Variants in ADRA1A observed in about 807,000 individuals in gnomAD.
ADRA1A encodes the protein adrenoceptor alpha 1A, also known as alpha-1A adrenergic receptor.
ADRA1A carries 31 observed loss-of-function variants against 29.6 expected under a neutral mutation model. That is an observed-to-expected ratio of 1.05 (90% CI 0.79 to 1.41). The LOEUF (loss-of-function observed/expected upper bound fraction) is 1.41. Among genes scored for constraint, ADRA1A ranks in the 40% most tolerant of loss-of-function variants. The probability of loss-of-function intolerance (pLI) is 0.00; values close to 1 mark genes in which losing one functional copy is unlikely to be tolerated. For missense variants in ADRA1A, 619 were observed against 601.1 expected, an observed-to-expected ratio of 1.03 and a Z score of -0.31; for synonymous variants, 311 against 254.3, an observed-to-expected ratio of 1.22 and a Z score of -2.12.
intron 2 of ADRA1A, among the ~76,000 whole-genome samples, chr8:26,801,109 G>A (rs1808545294): frequency 6.6e-6 from 1 of 152,052 alleles, no homozygotes; most frequent in Admixed American, 6.6e-5. Context: ...AAAAAATTGG[G>A]TATAGAAAGA....
intron 2 of ADRA1A, among the ~76,000 whole-genome samples, chr8:26,826,866 A>G (rs1810610138): frequency 6.6e-6 from 1 of 152,264 alleles, no homozygotes; most frequent in Non-Finnish European, 1.5e-5. Context: ...CCAACTGGAA[A>G]TAGATTCAAG....
intron 2 of ADRA1A, among the ~76,000 whole-genome samples, chr8:26,792,938 C>T (rs1807938680): frequency 1.3e-5 from 2 of 151,502 alleles, no homozygotes; most frequent in South Asian, 4.2e-4. Flanking sequence ...AAGCCTCTCA[C>T]ACTGAATTAA....
At chr8:26,862,086 C>G (rs1813515533) in intron 2 of ADRA1A, among the ~76,000 whole-genome samples, 1 of 152,152 alleles carries the variant, frequency 6.6e-6, no homozygotes, top group African/African-American at 2.4e-5. Context: ...CCTGAAAGAC[C>G]CCATATGACT....
rs529911589 is a variant in ADRA1A, at chr8:26,831,536, A to T, written c.883+32551T>A. On this transcript the variant is annotated intron_variant, in intron 2 of 2. Coordinates refer to ENST00000380573, the MANE Select transcript of ADRA1A (RefSeq NM_000680.4). The surrounding 1 kb of genome is among the most constrained non-coding windows in gnomAD (Gnocchi z 5.2). ...TTTGGAAAGGGTGTAGAGGTCACGG[A>T]AGTGTCAGGTCACACCCAATGTCCT... 6.6e-6 allele frequency among the ~76,000 whole-genome samples: 1 copy of T among 152,220 alleles called. No individual in the cohort carries two copies. The highest frequency in any genetic ancestry group is 1.9e-4 in the East Asian group (1 of 5,170).
intron 2 of ADRA1A, chr8:26,748,801 C>T: frequency 5.1e-6 from 2 of 395,960 alleles, no homozygotes; most frequent in Non-Finnish European, 9.7e-6. Context: ...ATTTTTCCCA[C>T]TGAATTTATT....
In ADRA1A at chr8:26,775,834, C is replaced by A. The variant is rs958756549; in HGVS notation, c.884-5168G>T. Among the ~76,000 whole-genome samples, 3 of 152,198 alleles carry A rather than the reference C, an allele frequency of 2.0e-5. No individual in the cohort carries two copies. The highest frequency in any genetic ancestry group is 4.4e-5 in the Non-Finnish European group (3 of 68,038). On this transcript the variant is annotated intron_variant, in intron 2 of 2. Coordinates refer to ENST00000380573, the MANE Select transcript of ADRA1A (RefSeq NM_000680.4). The surrounding 1 kb of genome is among the most constrained non-coding windows in gnomAD (Gnocchi z 4.1). ...GGAGTTTATGGCCAAACACCATCAACATTCTCATTCATGGAGATTCAGAAT... is the reference window on the plus strand; with the variant it reads ...GGAGTTTATGGCCAAACACCATCAAAATTCTCATTCATGGAGATTCAGAAT...
chr8:26,853,596 A>G (rs940160411), intron 2 of ADRA1A: 1 of 152,212 alleles, frequency 6.6e-6, no homozygotes. Context: ...AATATAACAA[A>G]TGTGGTTTTC....
chr8:26,785,734 C>G (rs1807323952), intron 2 of ADRA1A, among the ~76,000 whole-genome samples: 1 of 152,204 alleles, frequency 6.6e-6, no homozygotes, highest in Non-Finnish European at 1.5e-5. Flanking sequence ...ATGTAAATGT[C>G]TCACAGAAAC....
At chr8:26,816,388 C>T (rs1585750550) in intron 2 of ADRA1A, among the ~76,000 whole-genome samples, 2 of 152,210 alleles carry the variant, frequency 1.3e-5, no homozygotes, top group South Asian at 2.1e-4. Context: ...GGATGCAGTG[C>T]CTGCCAAGGA....
intron 2 of ADRA1A, among the ~76,000 whole-genome samples, chr8:26,832,269 G>C (rs1182732945): frequency 6.6e-6 from 1 of 152,204 alleles, no homozygotes; most frequent in Non-Finnish European, 1.5e-5. Context: ...GCCTGAGAAA[G>C]TGACCTGGCA....
intron 2 of ADRA1A, among the ~76,000 whole-genome samples, chr8:26,757,568 A>T (rs1255466370): frequency 6.7e-6 from 1 of 150,088 alleles, no homozygotes; most frequent in African/African-American, 2.5e-5. Context: ...ACACTCTTTC[A>T]TATGCTTCAA....
intron 2 of ADRA1A, among the ~76,000 whole-genome samples, chr8:26,802,178 G>A (rs1362419267): frequency 6.6e-6 from 1 of 152,022 alleles, no homozygotes; most frequent in East Asian, 1.9e-4. Flanking sequence ...CATTTATTGA[G>A]TAATATCCCA....
At chr8:26,763,705 G>A (rs78547359), downstream of ADRA1A, among the ~76,000 whole-genome samples, 44 of 152,316 alleles carry the variant, frequency 2.9e-4, no homozygotes, top group Middle Eastern at 3.4e-3. This position sits in a 1 kb window ranked among gnomAD's most constrained non-coding sequence, Gnocchi z 4.5. Context: ...AGCTAGTAAC[G>A]GCATAGATCA....
At chr8:26,813,048 C>T (rs116713749) in intron 2 of ADRA1A, among the ~76,000 whole-genome samples, 1 of 149,608 alleles carries the variant, frequency 6.7e-6, no homozygotes, top group African/African-American at 2.6e-5. Context: ...GTTGCGCTAT[C>T]GTCTAACTAC....
At chr8:26,788,156 A>G (rs1022138729) in intron 2 of ADRA1A, among the ~76,000 whole-genome samples, 3 of 152,198 alleles carry the variant, frequency 2.0e-5, no homozygotes, top group Admixed American at 6.5e-5. Context: ...CTGTTGTCCA[A>G]TATTACCTAA....
In ADRA1A at chr8:26,866,980, G is replaced by A. The variant is rs959407924; in HGVS notation, c.-731C>T. Reference sequence around the variant, plus strand: ...CCACCAGCTCGCGCGCGGGGGATGTGGACCCGGCTTCGGTCCCGGGAGCTG... The same window carrying A: ...CCACCAGCTCGCGCGCGGGGGATGTAGACCCGGCTTCGGTCCCGGGAGCTG... On this transcript the variant is annotated 5_prime_UTR_variant, in exon 1 of 3. Coordinates refer to ENST00000380573, the MANE Select transcript of ADRA1A (RefSeq NM_000680.4). The surrounding 1 kb of genome is among the most constrained non-coding windows in gnomAD (Gnocchi z 5.7). 4.1e-6 allele frequency: 4 copies of A among 984,576 alleles called. No individual in the cohort carries two copies. The African/African-American group carries it at 7.0e-5, about 17-fold the overall frequency. The allele number at this position is 984,576 out of a possible 1,614,324, so 61.0% of individuals were successfully genotyped here.
intron 2 of ADRA1A, among the ~76,000 whole-genome samples, chr8:26,811,262 G>C (rs1190025092): frequency 1.3e-5 from 2 of 151,310 alleles, no homozygotes; most frequent in African/African-American, 2.4e-5. Context: ...GCGCGATCTC[G>C]GCTCGCTGCA....
intron 2 of ADRA1A, among the ~76,000 whole-genome samples, chr8:26,862,648 G>A (rs540621854): frequency 6.6e-6 from 1 of 152,136 alleles, no homozygotes. Flanking sequence ...AATAATGATG[G>A]GCAGGCACAA....
intron 2 of ADRA1A, among the ~76,000 whole-genome samples, chr8:26,843,610 T>G (rs1374972291): frequency 6.6e-6 from 1 of 152,140 alleles, no homozygotes; most frequent in Non-Finnish European, 1.5e-5. Flanking sequence ...TCAGATAAAA[T>G]GAGGATAAAA....
Sources: gnomAD v4.1 joint callset for allele counts (sites outside exome capture counted in the v4.1 genomes callset) on GRCh38, gnomAD v4.1.1 for gene constraint, Gnocchi (gnomAD v3.1) non-coding constraint, MANE v1.5 for transcripts, NCBI Gene and HGNC (gene_info 2026-07-23, HGNC 2026-07-21) for gene names.